CADM1: variants seen among roughly 807,000 people sequenced by gnomAD.
The protein encoded by CADM1 is cell adhesion molecule 1, also known as TSLC-1.
In CADM1, 15 loss-of-function variants were observed where a neutral mutation model predicts 53.1. That is an observed-to-expected ratio of 0.28 (90% CI 0.19 to 0.44). The LOEUF (loss-of-function observed/expected upper bound fraction) is 0.44. Among genes scored for constraint, CADM1 ranks in the 20% least tolerant of loss-of-function variants. CADM1 has a pLI of 1.00. For synonymous variants in CADM1, 281 were observed against 243.0 expected, an observed-to-expected ratio of 1.16 and a Z score of -1.45; for missense variants, 434 against 611.3, an observed-to-expected ratio of 0.71 and a Z score of 3.06.
rs4938182 is a variant in CADM1, at chr11:115,172,316, G to C, written c.*4158C>G. On this transcript the variant is annotated 3_prime_UTR_variant, in exon 12 of 12. Coordinates refer to ENST00000331581, the MANE Select transcript of CADM1 (RefSeq NM_001301043.2). ...CTGGGAGAGGTCACTGAAGTATCGA[G>C]TCCTCTGCCCGGACTTTTCAGTACA... 0.69 allele frequency: 105,387 copies of C among 151,966 alleles called. 37,861 individuals carry two copies. Among genetic ancestry groups the C allele is most frequent in the South Asian group, 0.85 (4,123 of 4,830 alleles). 9.4% of individuals were successfully genotyped at this position (151,966 alleles called of 1,614,324 possible).
intron 10 of CADM1, among the ~76,000 whole-genome samples, chr11:115,185,256 C>T (rs192381759): frequency 2.0e-5 from 3 of 152,300 alleles, no homozygotes; most frequent in African/African-American, 7.2e-5. Flanking sequence ...CAAATAATTA[C>T]CAGTTCGTTA....
At chr11:115,201,793 T>C (rs1240020109) in intron 8 of CADM1, among the ~76,000 whole-genome samples, 1 of 152,182 alleles carries the variant, frequency 6.6e-6, no homozygotes, top group African/African-American at 2.4e-5. Flanking sequence ...TGTTGGGTTA[T>C]ATAGACATTT....
In CADM1 at chr11:115,169,546, T is replaced by A. The variant is rs1938722621; in HGVS notation, c.*6928A>T. Reference sequence around the variant, plus strand: ...CATTTTCCCTTCCTTGTCCAAACGATAAAAGATTCATGTTCCTAATTGCAA... The same window carrying A: ...CATTTTCCCTTCCTTGTCCAAACGAAAAAAGATTCATGTTCCTAATTGCAA... On this transcript the variant is annotated 3_prime_UTR_variant, in exon 12 of 12. Coordinates refer to ENST00000331581, the MANE Select transcript of CADM1 (RefSeq NM_001301043.2). 2 of 454,604 alleles carry A rather than the reference T, an allele frequency of 4.4e-6. No homozygotes were observed. Among genetic ancestry groups the A allele is most frequent in the Non-Finnish European group, 8.8e-6 (2 of 226,436 alleles). 28.2% of individuals were successfully genotyped at this position (454,604 alleles called of 1,614,324 possible).
chr11:115,191,131 C>A (rs894888661), intron 9 of CADM1, 190 bp from the exon 10 acceptor site: 3 of 574,390 alleles, frequency 5.2e-6, no homozygotes, highest in Non-Finnish European at 9.3e-6. Context: ...AATACGCAAT[C>A]GAGGCAGAAA....
chr11:115,362,447 G>A (rs150527736), intron 1 of CADM1, among the ~76,000 whole-genome samples: 364 of 152,262 alleles, frequency 2.4e-3, no homozygotes, highest in African/African-American at 8.2e-3. Flanking sequence ...AAGAGAAAAG[G>A]CAGCTAAGTA....
At chr11:115,356,284 G>A (rs1253908538) in intron 1 of CADM1, among the ~76,000 whole-genome samples, 2 of 149,096 alleles carry the variant, frequency 1.3e-5, no homozygotes, top group Admixed American at 6.7e-5. Flanking sequence ...AATGAGGACA[G>A]TAAGGTCAAA....
chr11:115,170,586 T>C lies in CADM1; in HGVS notation c.*5888A>G, dbSNP rs911451947. On this transcript the variant is annotated 3_prime_UTR_variant, in exon 12 of 12. Coordinates refer to ENST00000331581, the MANE Select transcript of CADM1 (RefSeq NM_001301043.2). Reference sequence around the variant, plus strand: ...TCAGGGATGCTCATGTGTAATGATGTGAGTGTTGGGTGGGGGGTGGTGGGG... The same window carrying C: ...TCAGGGATGCTCATGTGTAATGATGCGAGTGTTGGGTGGGGGGTGGTGGGG... 9.7e-6 allele frequency: 1 copy of C among 102,756 alleles called. No individual in the cohort carries two copies. Among genetic ancestry groups the C allele is most frequent in the Non-Finnish European group, 1.8e-5 (1 of 54,674 alleles). 6.4% of individuals were successfully genotyped at this position (102,756 alleles called of 1,614,324 possible).
intron 1 of CADM1, among the ~76,000 whole-genome samples, chr11:115,291,242 T>C (rs368826538): frequency 2.0e-5 from 3 of 152,200 alleles, no homozygotes; most frequent in Admixed American, 6.5e-5. Flanking sequence ...AATGTTCTAA[T>C]TGAACATACA....
chr11:115,455,350 G>T (rs1948660450), intron 1 of CADM1, among the ~76,000 whole-genome samples: 1 of 151,828 alleles, frequency 6.6e-6, no homozygotes, highest in Non-Finnish European at 1.5e-5. Context: ...AAAGTGGAGG[G>T]TGGTGGCAAA....
intron 1 of CADM1, among the ~76,000 whole-genome samples, chr11:115,343,155 C>T (rs1156538285): frequency 2.6e-5 from 4 of 152,052 alleles, no homozygotes; most frequent in African/African-American, 9.7e-5. Context: ...CTCGTAGCAG[C>T]CCTATAAGGT....
intron 1 of CADM1, among the ~76,000 whole-genome samples, chr11:115,241,672 A>T (rs185284601): frequency 8.5e-5 from 13 of 152,318 alleles, no homozygotes; most frequent in Admixed American, 2.0e-4. Flanking sequence ...AGCTGCTGCT[A>T]TCATCATCAT....
At chr11:115,348,940 A>C (rs1014355199) in intron 1 of CADM1, among the ~76,000 whole-genome samples, 3 of 152,194 alleles carry the variant, frequency 2.0e-5, no homozygotes, top group Admixed American at 2.0e-4. Context: ...TGTCACTGGT[A>C]GCATATTAGA....
chr11:115,453,057 G>A (rs1354030590), intron 1 of CADM1, among the ~76,000 whole-genome samples: 1 of 152,090 alleles, frequency 6.6e-6, no homozygotes, highest in Non-Finnish European at 1.5e-5. Context: ...GTCTAGGTGT[G>A]ATAGAAACAT....
At chr11:115,226,779 G>T (rs965845175) in intron 5 of CADM1, among the ~76,000 whole-genome samples, 3 of 152,164 alleles carry the variant, frequency 2.0e-5, no homozygotes, top group Non-Finnish European at 2.9e-5. Context: ...GAAACTTTTT[G>T]TTACTGCATA....
chr11:115,482,150 T>C (rs1231245993), intron 1 of CADM1, among the ~76,000 whole-genome samples: 2 of 152,054 alleles, frequency 1.3e-5, no homozygotes, highest in Admixed American at 1.3e-4. Flanking sequence ...TCTAATACCG[T>C]CTCTATCTGG....
At chr11:115,341,029 C>T (rs1182928383) in intron 1 of CADM1, among the ~76,000 whole-genome samples, 1 of 151,882 alleles carries the variant, frequency 6.6e-6, no homozygotes, top group Non-Finnish European at 1.5e-5. Flanking sequence ...TAATATATTT[C>T]AAAAAGAATG....
At chr11:115,329,011 T>G (rs1021930253) in intron 1 of CADM1, among the ~76,000 whole-genome samples, 1 of 151,710 alleles carries the variant, frequency 6.6e-6, no homozygotes, top group African/African-American at 2.4e-5. Context: ...TCAATAAATT[T>G]TAATGAACTA....
chr11:115,441,448 T>G (rs761421050), intron 1 of CADM1, among the ~76,000 whole-genome samples: 31 of 152,226 alleles, frequency 2.0e-4, no homozygotes, highest in Non-Finnish European at 2.6e-4. Flanking sequence ...TAATGATAAC[T>G]GTAACTCCTA....
chr11:115,491,520 T>C (rs1247335012), intron 1 of CADM1, among the ~76,000 whole-genome samples: 1 of 151,544 alleles, frequency 6.6e-6, no homozygotes, highest in Non-Finnish European at 1.5e-5. Context: ...GAGCCAAGAT[T>C]GCACCACTGT....
Sources: gnomAD v4.1 joint callset for allele counts (sites outside exome capture counted in the v4.1 genomes callset) on GRCh38, gnomAD v4.1.1 for gene constraint, MANE v1.5 for transcripts, NCBI Gene and HGNC (gene_info 2026-07-23, HGNC 2026-07-21) for gene names.